The following KANSL1L variants were observed in gnomAD, a reference collection of about 807,000 sequenced individuals.
The protein encoded by KANSL1L is KAT8 regulatory NSL complex subunit 1-like protein.
KANSL1L carries 25 observed loss-of-function variants against 108.6 expected under a neutral mutation model. That is an observed-to-expected ratio of 0.23 (90% CI 0.17 to 0.32). The LOEUF (loss-of-function observed/expected upper bound fraction) is 0.32. KANSL1L is among the 10% of genes least tolerant of loss of function. The probability of loss-of-function intolerance (pLI) is 1.00; values close to 1 mark genes in which losing one functional copy is unlikely to be tolerated. For missense variants in KANSL1L, 1,137 were observed against 1,125.7 expected (o/e 1.01, Z -0.14); for synonymous variants, 405 against 395.1 (o/e 1.03, Z -0.30).
At chr2:210,065,806 G>A (rs1405815991) in intron 6 of KANSL1L, among the ~76,000 whole-genome samples, 1 of 151,910 alleles carries the variant, frequency 6.6e-6, no homozygotes, top group Non-Finnish European at 1.5e-5. Context: ...GGCTGGTCTC[G>A]AACTCCTGAC....
At chr2:210,065,773 T>C (rs1321700625) in intron 6 of KANSL1L, among the ~76,000 whole-genome samples, 1 of 151,562 alleles carries the variant, frequency 6.6e-6, no homozygotes, top group Non-Finnish European at 1.5e-5. Flanking sequence ...TTTAGAAGAG[T>C]AGGGGTTTCA....
At chr2:210,151,406 T>C (rs1054929383) in intron 2 of KANSL1L, 3 of 152,250 alleles carry the variant, frequency 2.0e-5, no homozygotes, top group Non-Finnish European at 2.9e-5. Flanking sequence ...TTACTGAATG[T>C]GCCCACTACA....
intron 2 of KANSL1L, chr2:210,152,651 T>C (rs2095310911): frequency 1.3e-5 from 2 of 152,242 alleles, no homozygotes; most frequent in Admixed American, 6.5e-5. Context: ...ACATTATAGT[T>C]TTGTTTTAGT....
chr2:210,071,171 T>G (rs1424301789), intron 6 of KANSL1L, among the ~76,000 whole-genome samples: 1 of 152,102 alleles, frequency 6.6e-6, no homozygotes, highest in Non-Finnish European at 1.5e-5. Flanking sequence ...GTTCCTTGGC[T>G]TGTAGAAGTG....
At chr2:210,079,668 A>ATATATATG (rs1559539841) in intron 5 of KANSL1L, 1 of 60,106 alleles carries the variant, frequency 1.7e-5, no homozygotes, top group Non-Finnish European at 2.8e-5. Context: ...ATATATATGT[A>ATATATATG]TGTGTGTATA....
intron 3 of KANSL1L, among the ~76,000 whole-genome samples, chr2:210,107,605 T>TG (rs1211821564): frequency 2.6e-5 from 4 of 151,608 alleles, no homozygotes; most frequent in South Asian, 4.2e-4. Context: ...CTTGACTCAC[T>TG]GCAAGCTCTG....
intron 6 of KANSL1L, among the ~76,000 whole-genome samples, chr2:210,071,819 C>T (rs138610567): frequency 1.1e-3 from 166 of 152,200 alleles, no homozygotes; most frequent in African/African-American, 3.7e-3. Flanking sequence ...CACAATTCTG[C>T]CCACTACAGC....
At chr2:210,141,615 G>C (rs931580984) in intron 2 of KANSL1L, among the ~76,000 whole-genome samples, 9 of 152,118 alleles carry the variant, frequency 5.9e-5, no homozygotes, top group African/African-American at 1.7e-4. Flanking sequence ...AAGTTACTGA[G>C]TCTAAGGTAT....
chr2:210,110,724 A>C (rs1003936769), intron 3 of KANSL1L, among the ~76,000 whole-genome samples: 8 of 152,202 alleles, frequency 5.3e-5, no homozygotes, highest in African/African-American at 1.9e-4. Context: ...AAGAGAAAAA[A>C]ATTGACAAAC....
At chr2:210,134,159 T>C (rs1575593510) in intron 2 of KANSL1L, among the ~76,000 whole-genome samples, 2 of 152,282 alleles carry the variant, frequency 1.3e-5, no homozygotes, top group Middle Eastern at 3.4e-3. Context: ...TATTAACCAC[T>C]TCTTCTGAAT....
At chr2:210,069,335 A>G (rs993319642) in intron 6 of KANSL1L, among the ~76,000 whole-genome samples, 1 of 152,170 alleles carries the variant, frequency 6.6e-6, no homozygotes, top group Non-Finnish European at 1.5e-5. Flanking sequence ...ATATTCTCTA[A>G]GATAACAGCA....
intron 2 of KANSL1L, among the ~76,000 whole-genome samples, chr2:210,149,484 T>C (rs2095287471): frequency 6.6e-6 from 1 of 152,150 alleles, no homozygotes; most frequent in South Asian, 2.1e-4. Flanking sequence ...CATCTGTTTA[T>C]TTGGTATTTT....
At chr2:210,141,127 CTCCT>C (rs1485184345) in intron 2 of KANSL1L, among the ~76,000 whole-genome samples, 1 of 151,460 alleles carries the variant, frequency 6.6e-6, no homozygotes. Context: ...CCCTCACTCC[CTCCT>C]TCCTTCCTCC....
intron 6 of KANSL1L, among the ~76,000 whole-genome samples, chr2:210,068,618 G>A (rs1213234726): frequency 6.6e-6 from 1 of 152,112 alleles, no homozygotes; most frequent in Non-Finnish European, 1.5e-5. Context: ...TTATTGGCGG[G>A]TAATAAGTGT....
chr2:210,047,836 T>C (rs2094242115), intron 6 of KANSL1L, among the ~76,000 whole-genome samples: 1 of 152,196 alleles, frequency 6.6e-6, no homozygotes, highest in South Asian at 2.1e-4. Flanking sequence ...GTGGGGGTTC[T>C]CTATCCCCAC....
At chr2:210,061,678 A>C (rs112058780) in intron 6 of KANSL1L, among the ~76,000 whole-genome samples, 2,797 of 152,314 alleles carry the variant, frequency 0.018, 77 homozygotes, top group African/African-American at 0.06. Context: ...TAGATTCTCC[A>C]AGCATAAACT....
chr2:210,117,109 G>A (rs1423972354), intron 3 of KANSL1L, among the ~76,000 whole-genome samples: 2 of 152,116 alleles, frequency 1.3e-5, no homozygotes, highest in Non-Finnish European at 2.9e-5. Flanking sequence ...TATGAAGAAT[G>A]CACAAGATAG....
intron 3 of KANSL1L, among the ~76,000 whole-genome samples, chr2:210,119,483 AT>A (rs1388439356): frequency 6.6e-6 from 1 of 152,212 alleles, no homozygotes; most frequent in African/African-American, 2.4e-5. Flanking sequence ...TAAAAATATC[AT>A]TTGTCATAAT....
chr2:210,073,843 A>G (rs1402293322), intron 6 of KANSL1L, among the ~76,000 whole-genome samples: 30 of 151,802 alleles, frequency 2.0e-4, no homozygotes, highest in Admixed American at 1.4e-3. Context: ...ATATTTTCCT[A>G]TGTTCCACTT....
Sources: gnomAD v4.1 joint callset for allele counts (sites outside exome capture counted in the v4.1 genomes callset) on GRCh38, gnomAD v4.1.1 for gene constraint, MANE v1.5 for transcripts, NCBI Gene and HGNC (gene_info 2026-07-23, HGNC 2026-07-21) for gene names.